GON4L: variants seen among roughly 807,000 people sequenced by gnomAD.
The protein encoded by GON4L is GON-4-like protein.
A neutral mutation model predicts 211.8 loss-of-function variants in GON4L; 87 were observed. The ratio of observed to expected loss-of-function variants is 0.41; its 90% CI spans 0.35 to 0.49. The LOEUF (loss-of-function observed/expected upper bound fraction) is 0.49. Ranked by LOEUF, GON4L falls within the 20% of genes least tolerant of loss-of-function variation. The pLI is 0.15. For synonymous variants in GON4L, 875 were observed against 962.6 expected (o/e 0.91, Z 1.68); for missense variants, 2,155 against 2,659.5 (o/e 0.81, Z 4.17).
intron 31 of GON4L, among the ~76,000 whole-genome samples, 175 bp downstream of exon 31, chr1:155,751,592 G>T (rs115932608): frequency 0.064 from 9,750 of 152,124 alleles, 1,083 homozygotes; most frequent in African/African-American, 0.22. Flanking sequence ...AAAATCTAGT[G>T]TCCTTTCTCT....
At chr1:155,787,195 C>T (rs890510605) in intron 12 of GON4L, among the ~76,000 whole-genome samples, 4 of 152,126 alleles carry the variant, frequency 2.6e-5, no homozygotes, top group African/African-American at 9.7e-5. Context: ...CAGGCGTGAG[C>T]TACCGCGCCC....
chr1:155,760,617 G>A lies in GON4L; in HGVS notation c.4936C>T (p.Pro1646Ser). The A allele has an allele frequency of 6.2e-7, 1 of 1,613,028 alleles. No individual in the cohort carries two copies. The highest frequency in any genetic ancestry group is 8.5e-7 in the Non-Finnish European group (1 of 1,179,110). ...TRVREALQHI[P>S]GKYEDFLQVI... ...TGAAGGAAGTCTTCATACTTGCCAG[G>A]GATATGTTGTAGGGCTTCTCGCACC... The change falls in exon 24 of 32, where the codon CCT becomes TCT. Residue 1646 changes from proline to serine, a missense_variant. Physicochemically the swap from Pro to Ser is moderately conservative, Grantham distance 74 (BLOSUM62 -1). Around this residue, in one of 6 missense-constraint regions of GON4L, gnomAD observed 455 missense variants for 504.6 expected, o/e 0.90. Transcript: ENST00000368331.
At chr1:155,804,846 A>G in intron 11 of GON4L, 103 bp downstream of exon 11, 3 of 838,020 alleles carry the variant, frequency 3.6e-6, no homozygotes, top group Non-Finnish European at 6.3e-6. Flanking sequence ...ATACAAATTA[A>G]ATCAATTAAC....
intron 11 of GON4L, among the ~76,000 whole-genome samples, chr1:155,803,916 G>A (rs1450875704): frequency 6.6e-6 from 1 of 152,178 alleles, no homozygotes; most frequent in African/African-American, 2.4e-5. Flanking sequence ...AGAGAGGAAA[G>A]GGGGATCCTA....
At chr1:155,780,854 T>C (rs553506606) in intron 14 of GON4L, among the ~76,000 whole-genome samples, 54 of 152,268 alleles carry the variant, frequency 3.5e-4, no homozygotes, top group Non-Finnish European at 6.8e-4. Flanking sequence ...TAATCTCCAA[T>C]ATTACAGCAA....
intron 1 of GON4L, among the ~76,000 whole-genome samples, chr1:155,855,979 C>CA (rs755007254): frequency 0.029 from 679 of 23,670 alleles, 95 homozygotes; most frequent in Admixed American, 0.061. Flanking sequence ...GAGACTCTGT[C>CA]AAAAAAAAAA....
intron 19 of GON4L, among the ~76,000 whole-genome samples, chr1:155,768,407 G>C (rs182539815): frequency 1.2e-3 from 186 of 151,098 alleles, no homozygotes; most frequent in African/African-American, 4.1e-3. Flanking sequence ...TCAGGAGATT[G>C]AGACCATCCT....
intron 2 of GON4L, among the ~76,000 whole-genome samples, chr1:155,839,944 T>C (rs1182802750): frequency 6.6e-6 from 1 of 152,224 alleles, no homozygotes; most frequent in African/African-American, 2.4e-5. Flanking sequence ...ATAAGTTCAA[T>C]TGTTCTATCT....
At chr1:155,853,877 C>A in intron 1 of GON4L, 71 bp from the exon 2 acceptor site, 1 of 973,112 alleles carries the variant, frequency 1.0e-6, no homozygotes, top group Non-Finnish European at 1.6e-6. Flanking sequence ...ATTATCTTTT[C>A]ATTTATTCAT....
downstream of GON4L, chr1:155,749,207 A>G: frequency 2.2e-6 from 3 of 1,365,590 alleles, no homozygotes; most frequent in Non-Finnish European, 3.0e-6. Context: ...AGCCGAGATC[A>G]CACCATTGCA....
intron 7 of GON4L, 85 bp from the exon 8 acceptor site, chr1:155,815,985 GAAA>G: frequency 3.1e-6 from 2 of 645,288 alleles, no homozygotes; most frequent in East Asian, 3.3e-5. Context: ...AAGCAGGGCA[GAAA>G]AAAAAAAAAT....
chr1:155,782,588 C>T (rs1315052480), intron 14 of GON4L, among the ~76,000 whole-genome samples: 1 of 152,212 alleles, frequency 6.6e-6, no homozygotes, highest in African/African-American at 2.4e-5. Context: ...TGATATATGA[C>T]TGTATTCTAC....
chr1:155,851,516 G>C (rs889432937), intron 2 of GON4L, among the ~76,000 whole-genome samples: 4 of 151,870 alleles, frequency 2.6e-5, no homozygotes, highest in Middle Eastern at 3.4e-3. Context: ...AGGAGTTCAG[G>C]ACCAAGCTGG....
chr1:155,782,579 GAT>G (rs1321330690), intron 14 of GON4L, among the ~76,000 whole-genome samples: 2 of 152,166 alleles, frequency 1.3e-5, no homozygotes, highest in African/African-American at 4.8e-5. Flanking sequence ...ACCATGAGAT[GAT>G]ATATGACTGT....
chr1:155,792,584 A>G (rs1665705707), intron 12 of GON4L, among the ~76,000 whole-genome samples: 1 of 152,226 alleles, frequency 6.6e-6, no homozygotes, highest in Non-Finnish European at 1.5e-5. Context: ...AAGCAAGAAG[A>G]TCAATCCTAA....
intron 20 of GON4L, 109 bp downstream of exon 20, chr1:155,767,316 G>C: frequency 6.2e-7 from 1 of 1,610,660 alleles, no homozygotes; most frequent in Admixed American, 1.7e-5. Context: ...GATTTCTAAA[G>C]TCCTAGTTCT....
At chr1:155,798,733 A>G (rs930959588) in intron 11 of GON4L, among the ~76,000 whole-genome samples, 1 of 151,768 alleles carries the variant, frequency 6.6e-6, no homozygotes, top group East Asian at 1.9e-4. Flanking sequence ...AAAGTTCTTA[A>G]CAAACATTGC....
intron 11 of GON4L, among the ~76,000 whole-genome samples, chr1:155,800,383 C>A (rs1367195451): frequency 1.3e-5 from 2 of 150,870 alleles, no homozygotes; most frequent in Non-Finnish European, 2.9e-5. Flanking sequence ...CATGGTGAAA[C>A]CCTGACTCTA....
At chr1:155,841,421 T>C (rs1204596252) in intron 2 of GON4L, among the ~76,000 whole-genome samples, 2 of 152,218 alleles carry the variant, frequency 1.3e-5, no homozygotes, top group East Asian at 3.8e-4. Context: ...TGTTTGTGTT[T>C]TGTAAACCTA....
Sources: allele counts gnomAD v4.1 joint callset (sites outside exome capture counted in the v4.1 genomes callset), GRCh38; gene constraint gnomAD v4.1.1; regional missense constraint gnomAD v4.1.1; transcripts MANE v1.5; gene names NCBI Gene and HGNC (gene_info 2026-07-23, HGNC 2026-07-21).